ZMAT4: variants seen among roughly 807,000 people sequenced by gnomAD.
The protein encoded by ZMAT4 is zinc finger matrin-type 4.
Under a neutral mutation model 28.7 loss-of-function variants are expected in ZMAT4, and 17 were observed. The observed-to-expected ratio is 0.59, with a 90% CI of 0.41 to 0.89. The LOEUF (loss-of-function observed/expected upper bound fraction) is 0.89, where lower values mean the gene tolerates loss of function less well. Among genes scored for constraint, ZMAT4 ranks in the 40% least tolerant of loss-of-function variants. The pLI, the probability that ZMAT4 is intolerant of heterozygous loss-of-function variation, is 0.00. For missense variants in ZMAT4, 240 were observed against 283.8 expected (o/e 0.85, Z 1.11); for synonymous variants, 117 against 109.2 (o/e 1.07, Z -0.44).
chr8:40,701,997 G>C (rs1810170595), intron 3 of ZMAT4, among the ~76,000 whole-genome samples: 1 of 152,150 alleles, frequency 6.6e-6, no homozygotes, highest in African/African-American at 2.4e-5. Context: ...ATGGATTAAT[G>C]CTGTTATGGA....
In ZMAT4 at chr8:40,622,061, C is replaced by G. The variant is rs115812912; in HGVS notation, c.578-40800G>C. ...ATATGCTTAATAGTAATAGTCAATT[C>G]CAAGTATTTTACATGTTTACATCAC... On this transcript the variant is annotated intron_variant, in intron 5 of 6. Transcript: ENST00000297737. Among the ~76,000 whole-genome samples, 362 of 152,210 alleles carry G rather than the reference C, an allele frequency of 2.4e-3. 1 individual carries two copies. The highest frequency in any genetic ancestry group is 8.3e-3 in the African/African-American group (343 of 41,526).
chr8:40,656,588 T>C (rs1249245107), intron 5 of ZMAT4, among the ~76,000 whole-genome samples: 3 of 152,100 alleles, frequency 2.0e-5, no homozygotes, highest in Admixed American at 2.0e-4. Context: ...TAATAAAATA[T>C]CATTAAATAA....
At chr8:40,625,108 G>A (rs1001902876) in intron 5 of ZMAT4, among the ~76,000 whole-genome samples, 5 of 152,040 alleles carry the variant, frequency 3.3e-5, no homozygotes, top group Admixed American at 6.6e-5. Context: ...ATGAAGGCCC[G>A]GGGAAGAAAA....
At chr8:40,885,779 TC>T (rs1306217556) in intron 1 of ZMAT4, among the ~76,000 whole-genome samples, 1 of 152,150 alleles carries the variant, frequency 6.6e-6, no homozygotes. Context: ...GGACTGCTCG[TC>T]CCCCAAATAC....
intron 4 of ZMAT4, among the ~76,000 whole-genome samples, chr8:40,676,386 A>G (rs1319587490): frequency 6.6e-6 from 1 of 152,150 alleles, no homozygotes; most frequent in Non-Finnish European, 1.5e-5. Context: ...GTAAATTCTC[A>G]CATGGGCCAT....
At chr8:40,719,568 T>C (rs1012102597) in intron 3 of ZMAT4, among the ~76,000 whole-genome samples, 2 of 152,016 alleles carry the variant, frequency 1.3e-5, no homozygotes, top group Admixed American at 1.3e-4. Flanking sequence ...CTCAAGGCCC[T>C]TTTTTTGTTT....
intron 5 of ZMAT4, among the ~76,000 whole-genome samples, chr8:40,603,967 A>C (rs963392851): frequency 6.6e-6 from 1 of 152,054 alleles, no homozygotes. Flanking sequence ...TATTTTAATT[A>C]ATTTTTTTGC....
intron 5 of ZMAT4, among the ~76,000 whole-genome samples, chr8:40,624,966 G>A (rs1806317985): frequency 6.6e-6 from 1 of 152,182 alleles, no homozygotes; most frequent in African/African-American, 2.4e-5. Flanking sequence ...TAATGCTAAG[G>A]ACTATGAAGA....
At chr8:40,768,279 C>T (rs1010379470) in intron 2 of ZMAT4, among the ~76,000 whole-genome samples, 8 of 152,124 alleles carry the variant, frequency 5.3e-5, no homozygotes, top group African/African-American at 1.4e-4. Context: ...TGTCAGTCTG[C>T]GGACTGACCA....
At chr8:40,800,682 CTT>C (rs1197640747) in intron 2 of ZMAT4, among the ~76,000 whole-genome samples, 1 of 151,756 alleles carries the variant, frequency 6.6e-6, no homozygotes, top group Non-Finnish European at 1.5e-5. Context: ...TCAAGAAACA[CTT>C]TAAGATATTT....
At chr8:40,839,168 G>A (rs1816607370) in intron 1 of ZMAT4, among the ~76,000 whole-genome samples, 1 of 152,162 alleles carries the variant, frequency 6.6e-6, no homozygotes, top group Non-Finnish European at 1.5e-5. Context: ...TTTAAGCTTT[G>A]GAGAAACAAG....
At chr8:40,638,216 T>C (rs988418169) in intron 5 of ZMAT4, among the ~76,000 whole-genome samples, 2 of 152,228 alleles carry the variant, frequency 1.3e-5, no homozygotes, top group Non-Finnish European at 2.9e-5. Context: ...AGATTTTGAA[T>C]GTTCCCACCC....
At chr8:40,757,252 A>G (rs1220598597) in intron 3 of ZMAT4, among the ~76,000 whole-genome samples, 2 of 152,154 alleles carry the variant, frequency 1.3e-5, no homozygotes, top group Non-Finnish European at 2.9e-5. Flanking sequence ...CATGGCTGTG[A>G]ATGACTACAA....
chr8:40,851,259 C>G (rs1028107694), intron 1 of ZMAT4, among the ~76,000 whole-genome samples: 1 of 152,060 alleles, frequency 6.6e-6, no homozygotes, highest in Non-Finnish European at 1.5e-5. Flanking sequence ...ACCCAGGAGG[C>G]GGAGATTGCA....
chr8:40,817,603 T>A (rs1815593889), intron 2 of ZMAT4, among the ~76,000 whole-genome samples: 1 of 152,220 alleles, frequency 6.6e-6, no homozygotes, highest in South Asian at 2.1e-4. Flanking sequence ...TTGAGAAATG[T>A]CACTGTTATC....
intron 1 of ZMAT4, among the ~76,000 whole-genome samples, chr8:40,865,115 C>T (rs769427077): frequency 5.9e-5 from 9 of 152,028 alleles, no homozygotes; most frequent in African/African-American, 1.4e-4. Flanking sequence ...GCTTTTTGCA[C>T]GGACATATCT....
At chr8:40,561,996 T>C (rs1177979894) in intron 6 of ZMAT4, among the ~76,000 whole-genome samples, 6 of 152,176 alleles carry the variant, frequency 3.9e-5, no homozygotes, top group Non-Finnish European at 8.8e-5. Flanking sequence ...GTCTTGCTTC[T>C]CTGACTGAAG....
Position 40,533,994 on chromosome 8 carries a change from T to A in ZMAT4, c.675-1756A>T, listed in dbSNP as rs553633537. On this transcript the variant is annotated intron_variant, in intron 6 of 6. Transcript: ENST00000297737. ...ATTAAAAAGAGTTTGAAGGACAGCA[T>A]CTTCACGTAACAGTAAGAAGACCAA... is the stretch of plus-strand genomic sequence containing the variant. Among the ~76,000 whole-genome samples the A allele has an allele frequency of 1.1e-4, 16 of 152,298 alleles. No individual in the cohort carries two copies. In the South Asian group the frequency reaches 2.5e-3, roughly 24 times the overall value.
chr8:40,649,353 T>G (rs1245819638), intron 5 of ZMAT4, among the ~76,000 whole-genome samples: 1 of 152,080 alleles, frequency 6.6e-6, no homozygotes, highest in African/African-American at 2.4e-5. Flanking sequence ...GGTAAAGGGA[T>G]CAATTCAACA....
Sources: allele counts gnomAD v4.1 joint callset (sites outside exome capture counted in the v4.1 genomes callset), GRCh38; gene constraint gnomAD v4.1.1; transcripts MANE v1.5; gene names NCBI Gene and HGNC (gene_info 2026-07-23, HGNC 2026-07-21).